The following HPSE2 variants were observed in gnomAD, a reference collection of about 807,000 sequenced individuals.
HPSE2 encodes inactive heparanase-2.
A neutral mutation model predicts 60.5 loss-of-function variants in HPSE2; 38 were observed. The ratio of observed to expected loss-of-function variants is 0.63; its 90% CI spans 0.48 to 0.82. The LOEUF (loss-of-function observed/expected upper bound fraction) is 0.82. Ranked by LOEUF, HPSE2 falls within the 40% of genes least tolerant of loss-of-function variation. The pLI is 0.00. For missense variants in HPSE2, 713 were observed against 740.4 expected, an observed-to-expected ratio of 0.96 and a Z score of 0.43; for synonymous variants, 295 against 293.2, an observed-to-expected ratio of 1.01 and a Z score of -0.06.
chr10:98,615,263 C>A (rs927261997), intron 8 of HPSE2, among the ~76,000 whole-genome samples: 2 of 152,098 alleles, frequency 1.3e-5, no homozygotes, highest in Admixed American at 6.5e-5. Flanking sequence ...AATGAACTGC[C>A]CTTGATCATT....
intron 3 of HPSE2, among the ~76,000 whole-genome samples, chr10:98,809,820 T>A (rs1329757126): frequency 6.6e-6 from 1 of 152,166 alleles, no homozygotes; most frequent in African/African-American, 2.4e-5. Context: ...GTTTATTTGA[T>A]GTATTCTCTC....
At chr10:99,052,595 T>A (rs753473619) in intron 3 of HPSE2, among the ~76,000 whole-genome samples, 2 of 151,638 alleles carry the variant, frequency 1.3e-5, no homozygotes, top group Non-Finnish European at 2.9e-5. Context: ...AGGAAAAACA[T>A]AAAGAGAACC....
chr10:99,114,550 T>C (rs190601216), intron 3 of HPSE2, among the ~76,000 whole-genome samples: 2 of 152,322 alleles, frequency 1.3e-5, no homozygotes, highest in East Asian at 3.9e-4. Context: ...AAGTTCATTC[T>C]GAAATTCATA....
intron 3 of HPSE2, among the ~76,000 whole-genome samples, chr10:99,133,641 A>G (rs1845532672): frequency 6.6e-6 from 1 of 152,204 alleles, no homozygotes; most frequent in Non-Finnish European, 1.5e-5. Flanking sequence ...GACCAGCAGC[A>G]GAGGGGCCTG....
intron 2 of HPSE2, among the ~76,000 whole-genome samples, chr10:99,203,361 C>G (rs1406434036): frequency 6.6e-6 from 1 of 152,104 alleles, no homozygotes; most frequent in African/African-American, 2.4e-5. Flanking sequence ...ACTACAGGCT[C>G]CAAGCCCACC....
chr10:98,928,592 A>G (rs28877594), intron 3 of HPSE2, among the ~76,000 whole-genome samples: 3 of 115,694 alleles, frequency 2.6e-5, no homozygotes, highest in Admixed American at 8.8e-5. Context: ...ACCAACCCAA[A>G]TGTCCAACAA....
intron 3 of HPSE2, among the ~76,000 whole-genome samples, chr10:98,824,179 G>A (rs143704765): frequency 0.014 from 2,085 of 152,064 alleles, 41 homozygotes; most frequent in African/African-American, 0.048. Context: ...TTCAAAACCA[G>A]GCAAAACTAA....
intron 4 of HPSE2, among the ~76,000 whole-genome samples, chr10:98,735,551 A>T (rs2134298945): frequency 6.6e-6 from 1 of 151,958 alleles, no homozygotes; most frequent in Non-Finnish European, 1.5e-5. Context: ...GAAAAGCTCC[A>T]GAGACTCAAT....
chr10:99,061,483 T>A (rs1402571171), intron 3 of HPSE2, among the ~76,000 whole-genome samples: 1 of 152,258 alleles, frequency 6.6e-6, no homozygotes, highest in Non-Finnish European at 1.5e-5. Flanking sequence ...TAATACAGTT[T>A]CTAGCATAAG....
chr10:98,929,021 T>TA (rs1954569502), intron 3 of HPSE2, among the ~76,000 whole-genome samples: 1 of 116,812 alleles, frequency 8.6e-6, no homozygotes, highest in Admixed American at 8.5e-5. Context: ...TAAATAAATA[T>TA]TTTTTAGTCT....
In HPSE2 at chr10:99,107,427, C is replaced by A. The variant is rs114591012; in HGVS notation, c.610+36811G>T. 7.3e-4 allele frequency among the ~76,000 whole-genome samples: 111 copies of A among 152,272 alleles called. 1 individual carries two copies. Among genetic ancestry groups the A allele is most frequent in the African/African-American group, 2.5e-3 (104 of 41,566 alleles). ...CCCTTTATCATGTCTTAGCAATTATCTCCCTATTTCCCATCTAATTTGGAA... is the reference window on the plus strand; with the variant it reads ...CCCTTTATCATGTCTTAGCAATTATATCCCTATTTCCCATCTAATTTGGAA... On this transcript the variant is annotated intron_variant, in intron 3 of 11. Coordinates refer to ENST00000370552, the MANE Select transcript of HPSE2 (RefSeq NM_021828.5).
At position 99,235,781 on chromosome 10, in the gene HPSE2, G is replaced by A; in HGVS notation, c.22C>T (p.Pro8Ser). 1.2e-6 allele frequency: 2 copies of A among 1,613,602 alleles called. No homozygotes were observed. The highest frequency in any genetic ancestry group is 1.7e-6 in the Non-Finnish European group (2 of 1,179,926). Residue 8 changes from proline (P) to serine (S), a missense_variant, in exon 1 of 12, where the codon CCT becomes TCT. Coordinates refer to ENST00000370552, the MANE Select transcript of HPSE2 (RefSeq NM_021828.5). ...GAGTTGCTGGAGGGCATGGCTTCAG[G>A]GAAGGCACAAAGCACCCTCATTCAA... MRVLCAF[P>S]EAMPSSNSRP...
intron 3 of HPSE2, among the ~76,000 whole-genome samples, chr10:98,850,229 T>A (rs1952137000): frequency 6.6e-6 from 1 of 152,220 alleles, no homozygotes; most frequent in South Asian, 2.1e-4. Flanking sequence ...ACACAAATCA[T>A]CCCATATAGA....
At chr10:99,205,195 A>C (rs1189058020) in intron 2 of HPSE2, among the ~76,000 whole-genome samples, 1 of 152,214 alleles carries the variant, frequency 6.6e-6, no homozygotes, top group Non-Finnish European at 1.5e-5. Context: ...ACCAGTATGT[A>C]ACATGCCCAT....
chr10:98,766,537 C>A (rs924096620), intron 3 of HPSE2, among the ~76,000 whole-genome samples: 1 of 152,264 alleles, frequency 6.6e-6, no homozygotes, highest in South Asian at 2.1e-4. Flanking sequence ...AAATCCCCAA[C>A]AAAATATTAA....
At chr10:99,143,565 T>C (rs1486924639) in intron 3 of HPSE2, among the ~76,000 whole-genome samples, 1 of 152,180 alleles carries the variant, frequency 6.6e-6, no homozygotes, top group Non-Finnish European at 1.5e-5. Context: ...CTCTTCTGAG[T>C]TCATCTCAAA....
chr10:98,714,421 T>C (rs1401846294), intron 5 of HPSE2, among the ~76,000 whole-genome samples: 2 of 151,926 alleles, frequency 1.3e-5, no homozygotes, highest in African/African-American at 4.8e-5. Context: ...TTGTTTCTAT[T>C]GATTTGTGAC....
At chr10:99,113,688 T>G (rs904558759) in intron 3 of HPSE2, among the ~76,000 whole-genome samples, 2 of 152,160 alleles carry the variant, frequency 1.3e-5, no homozygotes, top group African/African-American at 4.8e-5. Context: ...TCAATAAGAT[T>G]CATGAAATAT....
chr10:98,685,431 C>T (rs1947889038), intron 6 of HPSE2, among the ~76,000 whole-genome samples: 1 of 152,158 alleles, frequency 6.6e-6, no homozygotes, highest in Admixed American at 6.6e-5. Flanking sequence ...CAATTTGTAT[C>T]CCTACCCCGA....
Sources: allele counts gnomAD v4.1 joint callset (sites outside exome capture counted in the v4.1 genomes callset), GRCh38; gene constraint gnomAD v4.1.1; transcripts MANE v1.5; gene names NCBI Gene and HGNC (gene_info 2026-07-23, HGNC 2026-07-21).